NAALADL2: variants seen among roughly 807,000 people sequenced by gnomAD.
The protein encoded by NAALADL2 is inactive N-acetylated-alpha-linked acidic dipeptidase-like protein 2.
NAALADL2 carries 76 observed loss-of-function variants against 87.2 expected under a neutral mutation model. The observed-to-expected ratio is 0.87, with a 90% CI of 0.72 to 1.05. The LOEUF (loss-of-function observed/expected upper bound fraction) is 1.05, where lower values mean the gene tolerates loss of function less well. Among genes scored for constraint, NAALADL2 ranks in the 50% least tolerant of loss-of-function variants. NAALADL2 has a pLI of 0.00. For missense variants in NAALADL2, 1,089 were observed against 945.8 expected (o/e 1.15, Z -1.99); for synonymous variants, 354 against 331.0 (o/e 1.07, Z -0.75).
rs116005008 is a variant in NAALADL2, at chr3:174,556,275, C to A, written c.-115+5638C>A. On this transcript the variant is annotated intron_variant, in intron 2 of 3. Coordinates refer to the NAALADL2 transcript ENST00000434257. ...GCCACCTAAATGAGTTTACTATCTA[C>A]TCTTGTTTTATCCTTATATGAGTAA... is the stretch of plus-strand genomic sequence containing the variant. 5.7e-3 allele frequency among the ~76,000 whole-genome samples: 863 copies of A among 152,188 alleles called. 4 individuals carry two copies. The highest frequency in any genetic ancestry group is 0.01 in the Middle Eastern group (3 of 294).
At chr3:175,435,861 T>G in intron 5 of NAALADL2, among the ~76,000 whole-genome samples, 1 of 151,556 alleles carries the variant, frequency 6.6e-6, no homozygotes, top group Non-Finnish European at 1.5e-5. Context: ...CTTTTTTTTT[T>G]TTTTATACTT....
At chr3:175,675,890 C>T (rs1734702188) in intron 11 of NAALADL2, 1 of 152,102 alleles carries the variant, frequency 6.6e-6, no homozygotes, top group Non-Finnish European at 1.5e-5. Flanking sequence ...TATGCATACA[C>T]AATCTCAAGA....
rs751809109 is a variant in NAALADL2, at chr3:175,471,768, A to G, written c.1653+10A>G. On this transcript the variant is annotated intron_variant, in intron 9 of 13. Coordinates refer to ENST00000454872, the MANE Select transcript of NAALADL2 (RefSeq NM_207015.3). ...GCAACTGGTAGTAGAGGTAAGACAA[A>G]CCACTATTGTATCAAATGATTATGC... The G allele has an allele frequency of 1.3e-6, 2 of 1,591,620 alleles. No homozygotes were observed. Among genetic ancestry groups the G allele is most frequent in the Non-Finnish European group, 1.7e-6 (2 of 1,172,152 alleles).
At chr3:175,186,812 A>G (rs540256655) in intron 2 of NAALADL2, among the ~76,000 whole-genome samples, 4 of 152,092 alleles carry the variant, frequency 2.6e-5, no homozygotes, top group Admixed American at 6.5e-5. Context: ...GGTGGTATAC[A>G]TTACAGATTC....
In NAALADL2 at chr3:174,607,230, C is replaced by G. The variant is rs553551377; in HGVS notation, c.-115+56593C>G. Among the ~76,000 whole-genome samples, 10 of 151,962 alleles carry G rather than the reference C, an allele frequency of 6.6e-5. No homozygotes were observed. The East Asian group carries it at 1.9e-3, about 30-fold the overall frequency. ...CAAAATCATGCCAAAATGTAAAGAC[C>G]ATCGAGACTAGGAAGAAACTGCATC... is the stretch of plus-strand genomic sequence containing the variant. On this transcript the variant is annotated intron_variant, in intron 2 of 3. Transcript: ENST00000434257.
intron 3 of NAALADL2, among the ~76,000 whole-genome samples, chr3:174,777,983 T>C (rs1715424582): frequency 6.6e-6 from 1 of 152,136 alleles, no homozygotes; most frequent in Admixed American, 6.6e-5. Context: ...TATGCATATC[T>C]TTTAGGGATG....
At chr3:175,501,856 G>T (rs1017808960) in intron 9 of NAALADL2, among the ~76,000 whole-genome samples, 1 of 151,924 alleles carries the variant, frequency 6.6e-6, no homozygotes, top group African/African-American at 2.4e-5. Context: ...TGTGAACTGT[G>T]AACTTTAGTA....
intron 5 of NAALADL2, among the ~76,000 whole-genome samples, chr3:175,391,975 C>A (rs567246437): frequency 6.6e-6 from 1 of 152,246 alleles, no homozygotes; most frequent in Non-Finnish European, 1.5e-5. Context: ...ATCATCGCAA[C>A]CTCCCTATGA....
chr3:174,844,607 T>C (rs1425157650), intron 3 of NAALADL2, among the ~76,000 whole-genome samples: 2 of 152,248 alleles, frequency 1.3e-5, no homozygotes, highest in Admixed American at 1.3e-4. Context: ...ATAACAATAT[T>C]GATTCTTCCA....
chr3:174,665,901 A>C (rs1725914688), intron 2 of NAALADL2, among the ~76,000 whole-genome samples: 1 of 152,078 alleles, frequency 6.6e-6, no homozygotes, highest in African/African-American at 2.4e-5. Context: ...CTATTCTCTT[A>C]TTCAGTTTTC....
chr3:175,207,391 A>T (rs1036275381), intron 2 of NAALADL2, among the ~76,000 whole-genome samples: 4 of 152,172 alleles, frequency 2.6e-5, no homozygotes, highest in Admixed American at 2.6e-4. Flanking sequence ...CAAATATCAT[A>T]TTAAAAGTTG....
intron 3 of NAALADL2, among the ~76,000 whole-genome samples, chr3:174,781,541 G>T (rs1715982059): frequency 6.6e-6 from 1 of 151,852 alleles, no homozygotes; most frequent in Non-Finnish European, 1.5e-5. Flanking sequence ...ATCTGTAGGT[G>T]ATTATAAAAA....
intron 2 of NAALADL2, among the ~76,000 whole-genome samples, chr3:174,707,084 A>G (rs1039871171): frequency 1.3e-5 from 2 of 152,172 alleles, no homozygotes; most frequent in Non-Finnish European, 2.9e-5. Context: ...GCAAATCAAA[A>G]CCACAATGAG....
rs567406316 is a variant in NAALADL2 at position 174,794,095 on chromosome 3, C to T, written c.-9+56349C>T. Among the ~76,000 whole-genome samples, 9 of 151,974 alleles carry T rather than the reference C, an allele frequency of 5.9e-5. No individual in the cohort carries two copies. The East Asian group carries it at 1.7e-3, about 29-fold the overall frequency. On this transcript the variant is annotated intron_variant, in intron 3 of 3. Transcript: ENST00000434257. ...CCAAGTTCCAAAGTAGCAAGAAACC[C>T]AGTTTTTAGTAGTTATGGAATTATT...
intron 1 of NAALADL2, among the ~76,000 whole-genome samples, chr3:174,923,379 T>C (rs1735522636): frequency 6.6e-6 from 1 of 152,134 alleles, no homozygotes; most frequent in African/African-American, 2.4e-5. Context: ...TATTATTTAA[T>C]CAATAACTAA....
Position 174,817,385 on chromosome 3 carries a change from T to G in NAALADL2, c.-9+79639T>G, listed in dbSNP as rs1047982531. Among the ~76,000 whole-genome samples the G allele has an allele frequency of 3.3e-5, 5 of 152,134 alleles. No homozygotes were observed. In the East Asian group the frequency reaches 9.6e-4, roughly 29 times the overall value. ...GGGAGACTCACGTGGGAGGATTGCT[T>G]GAAGTCAAGAGTTTAAGACCACCCT... On this transcript the variant is annotated intron_variant, in intron 3 of 3. Transcript: ENST00000434257.
chr3:174,646,595 A>T (rs954337958), intron 2 of NAALADL2, among the ~76,000 whole-genome samples: 1 of 116,460 alleles, frequency 8.6e-6, no homozygotes, highest in Non-Finnish European at 1.8e-5. Context: ...GAATTCTTTT[A>T]AGATAAACTT....
intron 9 of NAALADL2, among the ~76,000 whole-genome samples, chr3:175,534,817 G>A (rs1734584158): frequency 6.6e-6 from 1 of 151,744 alleles, no homozygotes; most frequent in South Asian, 2.1e-4. Context: ...TTTTCTTAGA[G>A]TCAGGTTTGT....
intron 1 of NAALADL2, among the ~76,000 whole-genome samples, chr3:174,462,125 ATG>A (rs1212580164): frequency 2.0e-5 from 3 of 151,938 alleles, no homozygotes; most frequent in Non-Finnish European, 4.4e-5. Flanking sequence ...TACAGAAAGA[ATG>A]AGAAGATTAG....
Sources: allele counts gnomAD v4.1 joint callset (sites outside exome capture counted in the v4.1 genomes callset), GRCh38; gene constraint gnomAD v4.1.1; transcripts MANE v1.5; gene names NCBI Gene and HGNC (gene_info 2026-07-23, HGNC 2026-07-21).